Variants in LDLRAD3 observed in about 807,000 individuals in gnomAD.
The protein encoded by LDLRAD3 is low density lipoprotein receptor class A domain containing 3, also known as low-density lipoprotein receptor class A domain-containing protein 3.
Under a neutral mutation model 29.4 loss-of-function variants are expected in LDLRAD3, and 20 were observed. The ratio of observed to expected loss-of-function variants is 0.68; its 90% confidence interval spans 0.48 to 0.99. The LOEUF is 0.99. LDLRAD3 is among the 50% of genes least tolerant of loss of function. The pLI is 0.00. For missense variants in LDLRAD3, 420 were observed against 454.3 expected, an observed-to-expected ratio of 0.92 and a Z score of 0.69; for synonymous variants, 157 against 192.7, an observed-to-expected ratio of 0.81 and a Z score of 1.53.
At chr11:36,226,986 G>T in intron 4 of LDLRAD3, 99 bp from the exon 5 acceptor site, 1 of 970,944 alleles carries the variant, frequency 1.0e-6, no homozygotes, top group Non-Finnish European at 1.6e-6. Flanking sequence ...TAGGGCTACT[G>T]TGAACATTCG....
At chr11:36,159,809 A>C (rs557078528) in intron 4 of LDLRAD3, among the ~76,000 whole-genome samples, 1 of 151,908 alleles carries the variant, frequency 6.6e-6, no homozygotes, top group Non-Finnish European at 1.5e-5. Context: ...CAAGGTGGCA[A>C]AGGCCTATGA....
intron 1 of LDLRAD3, among the ~76,000 whole-genome samples, chr11:35,971,597 A>G (rs1851413109): frequency 6.6e-6 from 1 of 152,206 alleles, no homozygotes; most frequent in African/African-American, 2.4e-5. Flanking sequence ...TGAGAAGCCA[A>G]ACCTGCTGAC....
At chr11:36,173,388 C>A (rs1854626539) in intron 4 of LDLRAD3, among the ~76,000 whole-genome samples, 1 of 141,298 alleles carries the variant, frequency 7.1e-6, no homozygotes, top group Non-Finnish European at 1.5e-5. Context: ...TTCCTGTGTC[C>A]AAGTATTATC....
chr11:36,030,029 C>T (rs1307283746), intron 1 of LDLRAD3, among the ~76,000 whole-genome samples: 2 of 152,184 alleles, frequency 1.3e-5, no homozygotes, highest in Non-Finnish European at 2.9e-5. Context: ...TACCTTCTCA[C>T]CAATTTCCCT....
intron 1 of LDLRAD3, among the ~76,000 whole-genome samples, chr11:36,006,078 C>G (rs772705952): frequency 5.9e-5 from 9 of 152,134 alleles, no homozygotes; most frequent in Admixed American, 1.3e-4. Context: ...CGCCCTTGCC[C>G]ACTATAGATG....
chr11:35,974,181 C>T (rs1851449382), intron 1 of LDLRAD3, among the ~76,000 whole-genome samples: 1 of 152,136 alleles, frequency 6.6e-6, no homozygotes, highest in South Asian at 2.1e-4. Flanking sequence ...TTAGGAAGGC[C>T]TTCCTCACTC....
intron 1 of LDLRAD3, among the ~76,000 whole-genome samples, chr11:36,002,587 G>A (rs1036580220): frequency 1.3e-5 from 2 of 152,178 alleles, no homozygotes; most frequent in African/African-American, 2.4e-5. Flanking sequence ...CAGCCACCCA[G>A]GGTCACACTA....
intron 2 of LDLRAD3, among the ~76,000 whole-genome samples, chr11:36,048,898 T>C (rs1210540850): frequency 1.3e-5 from 2 of 152,234 alleles, no homozygotes; most frequent in Non-Finnish European, 2.9e-5. Flanking sequence ...TTAAACCAAT[T>C]CTTTTGCACA....
At chr11:35,991,556 A>T (rs1211081458) in intron 1 of LDLRAD3, among the ~76,000 whole-genome samples, 1 of 152,132 alleles carries the variant, frequency 6.6e-6, no homozygotes, top group East Asian at 1.9e-4. Context: ...TATTCCTTAG[A>T]TTTCACAAAT....
intron 4 of LDLRAD3, among the ~76,000 whole-genome samples, chr11:36,118,925 T>G (rs773788546): frequency 6.6e-6 from 1 of 152,170 alleles, no homozygotes; most frequent in Non-Finnish European, 1.5e-5. Context: ...GATTTTATAG[T>G]GATAGAGTTA....
At chr11:36,152,279 ATCT>A (rs1188775058) in intron 4 of LDLRAD3, among the ~76,000 whole-genome samples, 1 of 152,184 alleles carries the variant, frequency 6.6e-6, no homozygotes, top group Non-Finnish European at 1.5e-5. Flanking sequence ...TTTAAAGAAA[ATCT>A]CTAGTCAGTT....
chr11:36,143,568 A>T (rs1462235704), intron 4 of LDLRAD3, among the ~76,000 whole-genome samples: 4 of 152,234 alleles, frequency 2.6e-5, no homozygotes, highest in African/African-American at 9.6e-5. Flanking sequence ...CACAGGAAAA[A>T]GAGAAACAGG....
At chr11:36,140,291 C>T (rs1854062277) in intron 4 of LDLRAD3, among the ~76,000 whole-genome samples, 1 of 152,158 alleles carries the variant, frequency 6.6e-6, no homozygotes, top group Non-Finnish European at 1.5e-5. Flanking sequence ...CTTCTCACAC[C>T]AGAGAATACC....
intron 4 of LDLRAD3, among the ~76,000 whole-genome samples, chr11:36,099,718 C>T (rs897379232): frequency 8.5e-5 from 13 of 152,182 alleles, no homozygotes; most frequent in African/African-American, 2.6e-4. Flanking sequence ...TAAAAATGAA[C>T]GAGTGAATGA....
At chr11:35,952,192 T>G (rs889051577) in intron 1 of LDLRAD3, among the ~76,000 whole-genome samples, 2 of 152,210 alleles carry the variant, frequency 1.3e-5, no homozygotes, top group African/African-American at 2.4e-5. Context: ...CAGTAAGAGA[T>G]AGTTTCAGAA....
intron 4 of LDLRAD3, among the ~76,000 whole-genome samples, chr11:36,202,338 G>A (rs11033493): frequency 0.29 from 43,982 of 152,016 alleles, 6,422 homozygotes; most frequent in African/African-American, 0.33. Flanking sequence ...GCGCCTGGCA[G>A]GGGACATCTT....
chr11:36,147,819 T>A (rs193118080), intron 4 of LDLRAD3, among the ~76,000 whole-genome samples: 55 of 152,268 alleles, frequency 3.6e-4, no homozygotes, highest in Admixed American at 2.9e-3. Flanking sequence ...CTTGAGTCTT[T>A]ATTGCCTGGG....
intron 2 of LDLRAD3, among the ~76,000 whole-genome samples, chr11:36,048,892 AC>A (rs1852490249): frequency 6.6e-6 from 1 of 152,192 alleles, no homozygotes; most frequent in African/African-American, 2.4e-5. Context: ...TGTCTTTTAA[AC>A]CAATTCTTTT....
At chr11:36,085,821 G>A (rs1853187685) in intron 3 of LDLRAD3, among the ~76,000 whole-genome samples, 1 of 151,798 alleles carries the variant, frequency 6.6e-6, no homozygotes, top group South Asian at 2.1e-4. Context: ...GTTTTGATAT[G>A]TTGCCCAGGT....
Sources: gnomAD v4.1 joint callset for allele counts (sites outside exome capture counted in the v4.1 genomes callset) on GRCh38, gnomAD v4.1.1 for gene constraint, MANE v1.5 for transcripts, NCBI Gene and HGNC (gene_info 2026-07-23, HGNC 2026-07-21) for gene names.